Variants in TEX9 observed in about 807,000 individuals in gnomAD.
TEX9 encodes the protein testis-expressed protein 9.
TEX9 carries 74 observed loss-of-function variants against 59.6 expected under a neutral mutation model. The ratio of observed to expected loss-of-function variants is 1.24; its 90% confidence interval spans 1.03 to 1.51. The LOEUF (loss-of-function observed/expected upper bound fraction) is 1.51. TEX9 is among the 40% of genes most tolerant of loss of function. TEX9 has a pLI of 0.00. For missense variants in TEX9, 522 were observed against 447.8 expected, an observed-to-expected ratio of 1.17 and a Z score of -1.49; for synonymous variants, 186 against 152.2, an observed-to-expected ratio of 1.22 and a Z score of -1.64.
At chr15:56,244,674 T>C (rs1328477531) in intron 1 of TEX9, among the ~76,000 whole-genome samples, 1 of 148,550 alleles carries the variant, frequency 6.7e-6, no homozygotes, top group African/African-American at 2.5e-5. Context: ...TCGCGGCTTG[T>C]CAGGGTCCCT....
the TEX9 span, among the ~76,000 whole-genome samples, chr15:56,455,108 T>A: frequency 6.6e-6 from 1 of 152,142 alleles, no homozygotes; most frequent in Non-Finnish European, 1.5e-5. Flanking sequence ...CAGATCTTAA[T>A]TTTATGCTTT....
At chr15:56,370,460 T>C (rs1367564862) in intron 2 of TEX9, among the ~76,000 whole-genome samples, 1 of 152,218 alleles carries the variant, frequency 6.6e-6, no homozygotes, top group African/African-American at 2.4e-5. Context: ...TCTTAAACTC[T>C]CCAGTCTTTT....
chr15:56,256,652 T>TA (rs1221261791), intron 1 of TEX9, among the ~76,000 whole-genome samples: 1 of 151,880 alleles, frequency 6.6e-6, no homozygotes, highest in Admixed American at 6.6e-5. Flanking sequence ...TCACCAAGGT[T>TA]AAAAAAAGAG....
chr15:56,437,021 G>C (rs1303871575), intron 12 of TEX9, among the ~76,000 whole-genome samples: 1 of 152,088 alleles, frequency 6.6e-6, no homozygotes, highest in South Asian at 2.1e-4. Flanking sequence ...TTCTACCAGA[G>C]GTACAAGGAG....
intron 9 of TEX9, among the ~76,000 whole-genome samples, chr15:56,405,060 A>G (rs915848730): frequency 9.9e-5 from 15 of 152,194 alleles, no homozygotes; most frequent in African/African-American, 3.1e-4. Flanking sequence ...CAGCAAATCA[A>G]CATGATACAT....
chr15:56,450,573 T>A (rs759683284), downstream of TEX9, among the ~76,000 whole-genome samples: 3 of 152,216 alleles, frequency 2.0e-5, no homozygotes, highest in Non-Finnish European at 4.4e-5. Flanking sequence ...TATTTTAGCA[T>A]GTATCAGTGC....
intron 1 of TEX9, among the ~76,000 whole-genome samples, chr15:56,352,622 C>G (rs1747050105): frequency 6.6e-6 from 1 of 152,118 alleles, no homozygotes; most frequent in Non-Finnish European, 1.5e-5. Flanking sequence ...ATTTACTCTT[C>G]TTTTGACAAT....
chr15:56,289,822 C>T (rs1210039327), intron 1 of TEX9, among the ~76,000 whole-genome samples: 1 of 152,158 alleles, frequency 6.6e-6, no homozygotes, highest in Non-Finnish European at 1.5e-5. Context: ...GCCCAGGGAG[C>T]AGGCACCCCT....
intron 1 of TEX9, among the ~76,000 whole-genome samples, chr15:56,339,586 A>T (rs1036134030): frequency 6.6e-6 from 1 of 152,010 alleles, no homozygotes; most frequent in Admixed American, 6.6e-5. Flanking sequence ...CTGTAATAAA[A>T]ATACCACATT....
intron 9 of TEX9, chr15:56,398,067 C>T (rs1477530854): frequency 6.6e-6 from 1 of 151,960 alleles, no homozygotes; most frequent in East Asian, 1.9e-4. Flanking sequence ...AGTTTGTTTC[C>T]CCACTCATCT....
At chr15:56,365,539 C>T (rs756445940) in intron 1 of TEX9, 40 bp from the exon 2 acceptor site, 1 of 1,614,216 alleles carries the variant, frequency 6.2e-7, no homozygotes, top group East Asian at 2.2e-5. Context: ...CGCCTAACTT[C>T]CTTTAACTTC....
intron 1 of TEX9, among the ~76,000 whole-genome samples, chr15:56,302,320 T>TACACACACACACAC (rs56766153): frequency 1.3e-3 from 173 of 135,782 alleles, no homozygotes; most frequent in Non-Finnish European, 2.1e-3. Flanking sequence ...AGACACTGTT[T>TACACACACACACAC]ACACACACAC....
chr15:56,325,478 T>A (rs1248488047), intron 1 of TEX9, among the ~76,000 whole-genome samples: 2 of 152,164 alleles, frequency 1.3e-5, no homozygotes, highest in Non-Finnish European at 2.9e-5. Context: ...TCCCTGTTGC[T>A]CCATACTTAA....
chr15:56,417,280 T>C (rs534539854), intron 10 of TEX9, among the ~76,000 whole-genome samples: 1 of 152,020 alleles, frequency 6.6e-6, no homozygotes, highest in Non-Finnish European at 1.5e-5. Context: ...ATTCTTTCAG[T>C]TGTGAAGTTA....
intron 1 of TEX9, among the ~76,000 whole-genome samples, chr15:56,276,153 T>C (rs1357288062): frequency 6.6e-6 from 1 of 152,188 alleles, no homozygotes; most frequent in Non-Finnish European, 1.5e-5. Context: ...AAACTTTTTT[T>C]TTAATTTTAG....
At position 56,388,488 on chromosome 15, in the gene TEX9, G is replaced by A. The variant is rs145255791; in HGVS notation, c.280G>A (p.Glu94Lys). ...GGCCTGTAGAGGTCTGTTACCATCT[G>A]AAGGGATAGTTCATCTTCATTCAGA... Residue 94 changes from glutamate to lysine, a missense_variant, in exon 5 of 13, where the codon GAA becomes AAA. Physicochemically the swap from Glu to Lys is moderately conservative, Grantham distance 56. Transcript: ENST00000352903. 2.4e-4 allele frequency: 392 copies of A among 1,611,424 alleles called. 1 individual carries two copies. The highest frequency in any genetic ancestry group is 3.5e-4 in the Admixed American group (21 of 59,924).
intron 1 of TEX9, among the ~76,000 whole-genome samples, chr15:56,281,181 T>G (rs1309292481): frequency 6.6e-6 from 1 of 152,216 alleles, no homozygotes; most frequent in Admixed American, 6.5e-5. Flanking sequence ...AAAATATATT[T>G]GTGTTGCAGA....
chr15:56,411,113 C>A (rs1406674210), intron 9 of TEX9, among the ~76,000 whole-genome samples: 1 of 152,128 alleles, frequency 6.6e-6, no homozygotes, highest in Non-Finnish European at 1.5e-5. Flanking sequence ...ATCATTTCAA[C>A]TCTATAATAT....
intron 1 of TEX9, among the ~76,000 whole-genome samples, chr15:56,340,504 T>C (rs2046352426): frequency 6.6e-6 from 1 of 152,198 alleles, no homozygotes; most frequent in African/African-American, 2.4e-5. Flanking sequence ...AAATAAGCCA[T>C]TGCTTTTTTC....
Sources: allele counts gnomAD v4.1 joint callset (sites outside exome capture counted in the v4.1 genomes callset), GRCh38; gene constraint gnomAD v4.1.1; transcripts MANE v1.5; gene names NCBI Gene and HGNC (gene_info 2026-07-23, HGNC 2026-07-21).